Variants in DNAJC1 observed in about 807,000 individuals in gnomAD.
The protein encoded by DNAJC1 is dnaJ homolog subfamily C member 1.
In DNAJC1, 58 loss-of-function variants were observed where a neutral mutation model predicts 76.6. The observed-to-expected ratio is 0.76, with a 90% CI of 0.61 to 0.94. The LOEUF (loss-of-function observed/expected upper bound fraction) is 0.94. Ranked by LOEUF, DNAJC1 falls within the 40% of genes least tolerant of loss-of-function variation. The pLI is 0.00. For synonymous variants in DNAJC1, 258 were observed against 267.9 expected, an observed-to-expected ratio of 0.96 and a Z score of 0.36; for missense variants, 689 against 677.3, an observed-to-expected ratio of 1.02 and a Z score of -0.19.
intron 8 of DNAJC1, among the ~76,000 whole-genome samples, chr10:21,873,066 C>A (rs1328644324): frequency 6.6e-6 from 1 of 152,140 alleles, no homozygotes; most frequent in African/African-American, 2.4e-5. Flanking sequence ...CTGTTCTGTT[C>A]CGTTCTAATA....
intron 8 of DNAJC1, among the ~76,000 whole-genome samples, chr10:21,833,071 TA>T (rs1032360746): frequency 1.1e-4 from 16 of 152,244 alleles, no homozygotes; most frequent in African/African-American, 3.6e-4. Context: ...TGCCATCTGC[TA>T]AACTGCAATA....
chr10:21,905,020 C>A (rs1296880700), intron 6 of DNAJC1, among the ~76,000 whole-genome samples: 3 of 152,048 alleles, frequency 2.0e-5, no homozygotes, highest in East Asian at 3.9e-4. Flanking sequence ...CCTTTAACTA[C>A]AATAGATATT....
At chr10:21,941,224 G>A (rs1010266819) in intron 1 of DNAJC1, among the ~76,000 whole-genome samples, 6 of 136,882 alleles carry the variant, frequency 4.4e-5, no homozygotes, top group South Asian at 4.7e-4. Flanking sequence ...AGCCGAGATC[G>A]CGCCACTACA....
At chr10:21,762,451 T>C (rs941248671) in intron 10 of DNAJC1, among the ~76,000 whole-genome samples, 1 of 152,242 alleles carries the variant, frequency 6.6e-6, no homozygotes, top group African/African-American at 2.4e-5. Context: ...GCCATCCTAG[T>C]TGGAAAAGAT....
intron 8 of DNAJC1, among the ~76,000 whole-genome samples, chr10:21,855,214 T>G (rs1023607762): frequency 6.6e-6 from 1 of 152,222 alleles, no homozygotes; most frequent in African/African-American, 2.4e-5. Context: ...AAACAGCCCA[T>G]TTTTTTGAGC....
intron 9 of DNAJC1, among the ~76,000 whole-genome samples, chr10:21,788,747 C>T (rs560306293): frequency 6.6e-5 from 10 of 152,284 alleles, no homozygotes; most frequent in Middle Eastern, 6.8e-3. Context: ...CTGAGCCCTA[C>T]TGGTTCAAGC....
At chr10:21,806,345 T>C (rs1021238132) in intron 8 of DNAJC1, among the ~76,000 whole-genome samples, 1 of 152,162 alleles carries the variant, frequency 6.6e-6, no homozygotes, top group Non-Finnish European at 1.5e-5. Context: ...TAAGAAAGCA[T>C]AAATATTGCA....
chr10:21,983,738 A>G (rs61850560), intron 1 of DNAJC1, among the ~76,000 whole-genome samples: 8 of 137,920 alleles, frequency 5.8e-5, no homozygotes, highest in Non-Finnish European at 7.9e-5. Flanking sequence ...AAAAAAAAAA[A>G]GGAAAGTAGA....
chr10:21,823,077 G>C (rs1403272186), intron 8 of DNAJC1, among the ~76,000 whole-genome samples: 1 of 152,008 alleles, frequency 6.6e-6, no homozygotes, highest in Non-Finnish European at 1.5e-5. Flanking sequence ...GGAGTAATTT[G>C]TAAATCATGA....
intron 1 of DNAJC1, among the ~76,000 whole-genome samples, chr10:21,967,319 T>C (rs1006944094): frequency 4.6e-5 from 7 of 152,190 alleles, no homozygotes; most frequent in African/African-American, 1.7e-4. Context: ...CTGTTTCATT[T>C]AGCACAATGT....
intron 9 of DNAJC1, among the ~76,000 whole-genome samples, chr10:21,800,464 A>T (rs1361684737): frequency 6.6e-6 from 1 of 152,228 alleles, no homozygotes; most frequent in East Asian, 1.9e-4. Context: ...AATAGATATG[A>T]GTGAAAAGAC....
At chr10:21,853,341 G>GT (rs1835784697) in intron 8 of DNAJC1, among the ~76,000 whole-genome samples, 1 of 152,100 alleles carries the variant, frequency 6.6e-6, no homozygotes, top group Non-Finnish European at 1.5e-5. Context: ...TCATGAGAAA[G>GT]TGAGTCTTTC....
At chr10:21,918,158 A>G (rs1019872468) in intron 6 of DNAJC1, among the ~76,000 whole-genome samples, 1 of 151,976 alleles carries the variant, frequency 6.6e-6, no homozygotes, top group Non-Finnish European at 1.5e-5. Flanking sequence ...CAAAGCAATA[A>G]TTTAATAAAA....
At chr10:21,804,666 A>G (rs1203095174) in intron 9 of DNAJC1, among the ~76,000 whole-genome samples, 1 of 151,852 alleles carries the variant, frequency 6.6e-6, no homozygotes, top group East Asian at 1.9e-4. Context: ...ACAGCAAAAA[A>G]AAAAAAAAAA....
chr10:21,766,206 ATTAATT>A, intron 10 of DNAJC1, 49 bp downstream of exon 10: 1 of 1,264,768 alleles, frequency 7.9e-7, no homozygotes, highest in South Asian at 1.2e-5. Flanking sequence ...ATAAAAAGGG[ATTAATT>A]TAGAAGAAAC....
chr10:21,942,533 G>A (rs1416494285), intron 1 of DNAJC1, among the ~76,000 whole-genome samples: 5 of 151,942 alleles, frequency 3.3e-5, no homozygotes, highest in African/African-American at 7.2e-5. Flanking sequence ...GCGGCCGGGC[G>A]CGGTGGCTCA....
chr10:21,781,877 T>G (rs918088626), intron 9 of DNAJC1, among the ~76,000 whole-genome samples: 3 of 151,930 alleles, frequency 2.0e-5, no homozygotes, highest in Non-Finnish European at 4.4e-5. Context: ...CATACCAGAA[T>G]CTCTGGGACA....
chr10:22,003,548 G>A lies in DNAJC1; in HGVS notation c.-114C>T, dbSNP rs1590088926. 2 of 1,211,416 alleles carry A rather than the reference G, an allele frequency of 1.7e-6. No individual in the cohort carries two copies. The highest frequency in any genetic ancestry group is 3.3e-5 in the East Asian group (1 of 30,254). 75.0% of individuals were successfully genotyped at this position (1,211,416 alleles called of 1,614,324 possible). A position where few individuals can be genotyped will look rare whatever the true frequency, so the allele number is the denominator to read the frequency against. On this transcript the variant is annotated 5_prime_UTR_variant, in exon 1 of 12. Coordinates refer to ENST00000376980, the MANE Select transcript of DNAJC1 (RefSeq NM_022365.4). The stretch of plus-strand genomic sequence containing the variant: ...GCCTGTCAGTGAAAAGCGCGGGCAG[G>A]CGCACCGGAGCGGCCCGCCAGGTGG...
intron 8 of DNAJC1, among the ~76,000 whole-genome samples, chr10:21,854,043 C>T (rs755921290): frequency 6.6e-6 from 1 of 151,860 alleles, no homozygotes; most frequent in Non-Finnish European, 1.5e-5. Flanking sequence ...AAATTAGTGG[C>T]ATCAGTCTAA....
Sources: gnomAD v4.1 joint callset for allele counts (sites outside exome capture counted in the v4.1 genomes callset) on GRCh38, gnomAD v4.1.1 for gene constraint, MANE v1.5 for transcripts, NCBI Gene and HGNC (gene_info 2026-07-23, HGNC 2026-07-21) for gene names.